The following NALCN variants were observed in gnomAD, a reference collection of about 807,000 sequenced individuals.
The protein encoded by NALCN is sodium leak channel NALCN.
NALCN carries 111 observed loss-of-function variants against 225.3 expected under a neutral mutation model. That is an observed-to-expected ratio of 0.49 (90% CI 0.42 to 0.58). The LOEUF is 0.58. NALCN is among the 20% of genes least tolerant of loss of function. NALCN has a pLI of 0.00. For missense variants in NALCN, 1,378 were observed against 2,202.4 expected (o/e 0.63, Z 7.49); for synonymous variants, 764 against 769.0 (o/e 0.99, Z 0.11).
intron 6 of NALCN, among the ~76,000 whole-genome samples, chr13:101,370,713 T>C (rs1034498619): frequency 6.6e-6 from 1 of 152,178 alleles, no homozygotes; most frequent in Non-Finnish European, 1.5e-5. Context: ...CTTAACCATA[T>C]GAAAAATTAG....
At chr13:101,351,392 A>T (rs2045904701) in intron 6 of NALCN, among the ~76,000 whole-genome samples, 1 of 152,120 alleles carries the variant, frequency 6.6e-6, no homozygotes, top group African/African-American at 2.4e-5. Flanking sequence ...GTTTGTTTTT[A>T]ATTCTTAACA....
chr13:101,389,104 AC>A (rs1248139167), intron 3 of NALCN, among the ~76,000 whole-genome samples: 1 of 152,204 alleles, frequency 6.6e-6, no homozygotes, highest in East Asian at 1.9e-4. Flanking sequence ...GCTTATCTAA[AC>A]CTAGTGCTTA....
intron 1 of NALCN, among the ~76,000 whole-genome samples, chr13:101,408,101 A>G (rs141117429): frequency 6.6e-6 from 1 of 152,118 alleles, no homozygotes; most frequent in Non-Finnish European, 1.5e-5. Context: ...GGTCTTTCTG[A>G]TTGCCACCCC....
At chr13:101,321,717 T>C (rs544154917) in intron 7 of NALCN, among the ~76,000 whole-genome samples, 1 of 152,272 alleles carries the variant, frequency 6.6e-6, no homozygotes, top group Non-Finnish European at 1.5e-5. Flanking sequence ...GGAGTAGGTG[T>C]ATATTTATTC....
intron 9 of NALCN, among the ~76,000 whole-genome samples, chr13:101,285,568 A>G (rs938266243): frequency 2.6e-5 from 4 of 151,978 alleles, no homozygotes; most frequent in Admixed American, 6.6e-5. Flanking sequence ...TGCCTCCTAT[A>G]TGTATTTTTA....
intron 10 of NALCN, among the ~76,000 whole-genome samples, chr13:101,271,884 T>C (rs576271643): frequency 1.7e-5 from 2 of 115,986 alleles, no homozygotes; most frequent in Non-Finnish European, 3.3e-5. Context: ...GCCATATGCA[T>C]GTGTGCATAT....
intron 10 of NALCN, among the ~76,000 whole-genome samples, chr13:101,275,250 T>G (rs903044492): frequency 6.6e-6 from 1 of 152,044 alleles, no homozygotes; most frequent in African/African-American, 2.4e-5. Context: ...TTGGGTAATA[T>G]GCAAGGAGAG....
At chr13:101,337,750 C>T (rs1039631923) in intron 7 of NALCN, among the ~76,000 whole-genome samples, 1 of 152,234 alleles carries the variant, frequency 6.6e-6, no homozygotes, top group South Asian at 2.1e-4. Context: ...TTATAATGGA[C>T]CAGGTGTCCT....
intron 15 of NALCN, among the ~76,000 whole-genome samples, chr13:101,171,595 A>G (rs2038722964): frequency 6.6e-6 from 1 of 152,174 alleles, no homozygotes; most frequent in African/African-American, 2.4e-5. Flanking sequence ...TGTGTCATAT[A>G]TATAACACAC....
At chr13:101,338,217 G>C (rs543530883) in intron 7 of NALCN, among the ~76,000 whole-genome samples, 2 of 152,088 alleles carry the variant, frequency 1.3e-5, no homozygotes, top group Non-Finnish European at 2.9e-5. Flanking sequence ...TAGTGTTAAG[G>C]GCATATGTTG....
At chr13:101,162,319 C>T (rs563824658) in intron 15 of NALCN, among the ~76,000 whole-genome samples, 3 of 152,286 alleles carry the variant, frequency 2.0e-5, no homozygotes, top group East Asian at 1.9e-4. Flanking sequence ...CCTGGCCTAG[C>T]GTTGTACACA....
At chr13:101,394,437 C>T (rs772945152) in intron 3 of NALCN, among the ~76,000 whole-genome samples, 2 of 152,122 alleles carry the variant, frequency 1.3e-5, no homozygotes, top group Non-Finnish European at 2.9e-5. Flanking sequence ...AGATCTGAGT[C>T]GTCTGTCATT....
rs1012375454 is a variant in NALCN, at chr13:101,349,658, G to A, written c.645-4238C>T. 7.9e-5 allele frequency among the ~76,000 whole-genome samples: 12 copies of A among 152,198 alleles called. No homozygotes were observed. In the South Asian group the frequency reaches 1.7e-3, roughly 21 times the overall value. ...TTCTGCTTTTCCATCTCCTCTAGTC[G>A]TGAGCTGACCTTTAGTCATGAGCTG... On this transcript the variant is annotated intron_variant, in intron 6 of 43. Coordinates refer to ENST00000251127, the MANE Select transcript of NALCN (RefSeq NM_052867.4).
At chr13:101,307,002 G>A (rs1317516170) in intron 7 of NALCN, among the ~76,000 whole-genome samples, 1 of 152,178 alleles carries the variant, frequency 6.6e-6, no homozygotes, top group African/African-American at 2.4e-5. Flanking sequence ...CCAAGCATAG[G>A]CTGGGTTTGA....
rs576497927 is a variant in NALCN at position 101,198,843 on chromosome 13, T to C, written c.1627-6789A>G. Among the ~76,000 whole-genome samples the C allele has an allele frequency of 4.6e-5, 7 of 152,328 alleles. No individual in the cohort carries two copies. In the South Asian group the frequency reaches 8.3e-4, roughly 18 times the overall value. ...TCTGCTATAAAGACACATGCATATG[T>C]ATGTTTATTGTGGCACTATTCACAA... On this transcript the variant is annotated intron_variant, in intron 13 of 43. Coordinates refer to ENST00000251127, the MANE Select transcript of NALCN (RefSeq NM_052867.4).
intron 41 of NALCN, 79 bp from the exon 42 acceptor site, chr13:101,060,046 T>C: frequency 1.3e-6 from 2 of 1,522,286 alleles, no homozygotes; most frequent in Middle Eastern, 4.2e-4. Context: ...TCTTATTTTC[T>C]TCTCCCCTCT....
intron 7 of NALCN, among the ~76,000 whole-genome samples, chr13:101,321,718 A>G (rs1465822454): frequency 6.6e-6 from 1 of 152,158 alleles, no homozygotes; most frequent in African/African-American, 2.4e-5. Flanking sequence ...GAGTAGGTGT[A>G]TATTTATTCA....
At chr13:101,105,183 C>CA (rs1228058229) in intron 22 of NALCN, among the ~76,000 whole-genome samples, 2 of 152,228 alleles carry the variant, frequency 1.3e-5, no homozygotes, top group African/African-American at 4.8e-5. Context: ...TTATATTTCT[C>CA]AAAATACTTG....
intron 14 of NALCN, among the ~76,000 whole-genome samples, chr13:101,187,539 A>T (rs1809290469): frequency 6.6e-6 from 1 of 152,222 alleles, no homozygotes. Context: ...AATATCCAAT[A>T]AATGAGTTAA....
Sources: gnomAD v4.1 joint callset for allele counts (sites outside exome capture counted in the v4.1 genomes callset) on GRCh38, gnomAD v4.1.1 for gene constraint, MANE v1.5 for transcripts, NCBI Gene and HGNC (gene_info 2026-07-23, HGNC 2026-07-21) for gene names.